Variants in CACNA2D3 observed in about 807,000 individuals in gnomAD.
CACNA2D3 encodes calcium voltage-gated channel auxiliary subunit alpha2delta 3, also known as voltage-dependent calcium channel subunit alpha-2/delta-3.
In CACNA2D3, 60 loss-of-function variants were observed where a neutral mutation model predicts 160.6. The ratio of observed to expected loss-of-function variants is 0.37; its 90% confidence interval spans 0.30 to 0.46. The LOEUF (loss-of-function observed/expected upper bound fraction) is 0.46. CACNA2D3 is among the 20% of genes least tolerant of loss of function. The pLI is 1.00. For synonymous variants in CACNA2D3, 558 were observed against 492.9 expected (o/e 1.13, Z -1.75); for missense variants, 1,205 against 1,365.0 (o/e 0.88, Z 1.85).
chr3:54,466,395 C>T (rs897468811), intron 4 of CACNA2D3, among the ~76,000 whole-genome samples: 3 of 152,032 alleles, frequency 2.0e-5, no homozygotes, highest in African/African-American at 7.3e-5. Flanking sequence ...GCTGGTTATA[C>T]CACCCATTGT....
At chr3:54,912,883 G>C (rs1293748227) in intron 27 of CACNA2D3, among the ~76,000 whole-genome samples, 1 of 152,158 alleles carries the variant, frequency 6.6e-6, no homozygotes, top group Non-Finnish European at 1.5e-5. Flanking sequence ...AATGAAGACA[G>C]TGGGGTCTCA....
intron 4 of CACNA2D3, among the ~76,000 whole-genome samples, chr3:54,414,910 A>G (rs1466149405): frequency 6.6e-6 from 1 of 151,916 alleles, no homozygotes; most frequent in South Asian, 2.1e-4. Flanking sequence ...TTTAAACACA[A>G]TATGTCACCA....
At chr3:54,564,159 G>T (rs7427383) in intron 6 of CACNA2D3, among the ~76,000 whole-genome samples, 1 of 151,806 alleles carries the variant, frequency 6.6e-6, no homozygotes, top group Non-Finnish European at 1.5e-5. Context: ...GTAGCCAACC[G>T]TCTCGCTATG....
intron 2 of CACNA2D3, among the ~76,000 whole-genome samples, chr3:54,165,400 C>T (rs1321400814): frequency 6.6e-6 from 1 of 151,820 alleles, no homozygotes; most frequent in African/African-American, 2.4e-5. Flanking sequence ...AAAGTGAGGA[C>T]CCAGTGGAGC....
chr3:54,238,222 T>A (rs751274939), intron 2 of CACNA2D3, among the ~76,000 whole-genome samples: 1 of 152,254 alleles, frequency 6.6e-6, no homozygotes, highest in Non-Finnish European at 1.5e-5. Flanking sequence ...TGTTTGTAAC[T>A]TTTTTAATAG....
At chr3:54,405,947 G>A (rs1165253983) in intron 4 of CACNA2D3, among the ~76,000 whole-genome samples, 3 of 151,848 alleles carry the variant, frequency 2.0e-5, no homozygotes, top group Admixed American at 6.6e-5. Context: ...TACACAGAAA[G>A]GGGCTCAGCA....
chr3:54,672,056 A>C (rs542718543), intron 11 of CACNA2D3, among the ~76,000 whole-genome samples: 1 of 152,218 alleles, frequency 6.6e-6, no homozygotes, highest in African/African-American at 2.4e-5. Context: ...AGATCCAAGA[A>C]CCAAAGGAGG....
At chr3:54,390,744 A>G (rs949899420) in intron 4 of CACNA2D3, among the ~76,000 whole-genome samples, 2 of 152,172 alleles carry the variant, frequency 1.3e-5, no homozygotes, top group African/African-American at 4.8e-5. Flanking sequence ...AAGTATATTA[A>G]CAGCTTGGGT....
intron 4 of CACNA2D3, among the ~76,000 whole-genome samples, chr3:54,425,931 G>A (rs542860627): frequency 6.6e-6 from 1 of 152,334 alleles, no homozygotes; most frequent in South Asian, 2.1e-4. Flanking sequence ...TGGTAGCCCA[G>A]ATTTCATCAG....
At chr3:54,205,471 T>A (rs1401090160) in intron 2 of CACNA2D3, among the ~76,000 whole-genome samples, 1 of 152,204 alleles carries the variant, frequency 6.6e-6, no homozygotes, top group Non-Finnish European at 1.5e-5. Context: ...TATGGCCTAC[T>A]CCCTGGCTTA....
intron 14 of CACNA2D3, among the ~76,000 whole-genome samples, chr3:54,833,462 G>A (rs1452597250): frequency 6.6e-6 from 1 of 152,078 alleles, no homozygotes; most frequent in Non-Finnish European, 1.5e-5. Context: ...ATCATAAGCA[G>A]CACCCTTGCC....
At chr3:54,124,270 A>G (rs1172263580) in intron 2 of CACNA2D3, among the ~76,000 whole-genome samples, 2 of 152,236 alleles carry the variant, frequency 1.3e-5, no homozygotes, top group Non-Finnish European at 2.9e-5. Flanking sequence ...CACAAGCTGC[A>G]TCAATTTTAA....
intron 10 of CACNA2D3, among the ~76,000 whole-genome samples, chr3:54,631,035 C>A (rs1699226412): frequency 6.6e-6 from 1 of 152,090 alleles, no homozygotes; most frequent in South Asian, 2.1e-4. Context: ...AATCCCGTCT[C>A]TACTAAAAAT....
chr3:54,224,481 C>T (rs1183784857), intron 2 of CACNA2D3, among the ~76,000 whole-genome samples: 2 of 152,108 alleles, frequency 1.3e-5, no homozygotes, highest in African/African-American at 2.4e-5. Context: ...GGGTGAGTAA[C>T]GCATCGCACT....
At chr3:54,226,288 A>C (rs12488409) in intron 2 of CACNA2D3, among the ~76,000 whole-genome samples, 1 of 147,628 alleles carries the variant, frequency 6.8e-6, no homozygotes, top group Non-Finnish European at 1.5e-5. Context: ...CCTCTCTGCA[A>C]TTCCCCGCCT....
intron 4 of CACNA2D3, among the ~76,000 whole-genome samples, chr3:54,457,220 T>C (rs1700415318): frequency 6.6e-6 from 1 of 152,044 alleles, no homozygotes; most frequent in African/African-American, 2.4e-5. Context: ...CTCTTAATAC[T>C]GCCTTTGCTG....
intron 14 of CACNA2D3, among the ~76,000 whole-genome samples, chr3:54,817,540 T>C (rs982265616): frequency 5.5e-4 from 84 of 152,232 alleles, no homozygotes; most frequent in African/African-American, 1.9e-3. Context: ...AGAAAATATG[T>C]CACTCAGTGC....
At position 54,885,482 on chromosome 3, in the gene CACNA2D3, T is replaced by G. The variant is rs371899994; in HGVS notation, c.1959-7T>G. The G allele has an allele frequency of 4.3e-6, 7 of 1,612,438 alleles. No individual in the cohort carries two copies. The highest frequency in any genetic ancestry group is 1.7e-5 in the Admixed American group (1 of 59,988). On this transcript the variant is annotated splice_polypyrimidine_tract_variant and splice_region_variant and intron_variant, in intron 22 of 37. Coordinates refer to ENST00000474759, the MANE Select transcript of CACNA2D3 (RefSeq NM_018398.3). The stretch of plus-strand genomic sequence containing the variant: ...TGCTCTTGTTTTGGGCCATGTCATG[T>G]TCTTAGGTCCTACTGCAACACTGAC...
intron 11 of CACNA2D3, among the ~76,000 whole-genome samples, chr3:54,650,071 CAGA>C (rs1699730572): frequency 6.6e-6 from 1 of 152,166 alleles, no homozygotes; most frequent in Non-Finnish European, 1.5e-5. Context: ...TTTTGAGCCA[CAGA>C]AGCAGTACTA....
Sources: allele counts gnomAD v4.1 joint callset (sites outside exome capture counted in the v4.1 genomes callset), GRCh38; gene constraint gnomAD v4.1.1; transcripts MANE v1.5; gene names NCBI Gene and HGNC (gene_info 2026-07-23, HGNC 2026-07-21).